DNAH2: variants seen among roughly 807,000 people sequenced by gnomAD.
The protein encoded by DNAH2 is axonemal beta dynein heavy chain 2.
A neutral mutation model predicts 523.5 loss-of-function variants in DNAH2; 323 were observed. The observed-to-expected ratio is 0.62, with a 90% CI of 0.56 to 0.68. DNAH2 has a LOEUF of 0.68. Among genes scored for constraint, DNAH2 ranks in the 30% least tolerant of loss-of-function variants. The pLI is 0.00. For missense variants in DNAH2, 4,907 were observed against 5,701.5 expected, an observed-to-expected ratio of 0.86 and a Z score of 4.49; for synonymous variants, 2,093 against 2,177.4, an observed-to-expected ratio of 0.96 and a Z score of 1.08.
intron 24 of DNAH2, among the ~76,000 whole-genome samples, chr17:7,769,744 A>G (rs1748727978): frequency 6.6e-6 from 1 of 152,190 alleles, no homozygotes; most frequent in African/African-American, 2.4e-5. Context: ...TTCAATCATG[A>G]TCTATCCATT....
chr17:7,793,154 T>A lies in DNAH2; in HGVS notation c.7518T>A (p.Ile2506=). The change falls in exon 48 of 86, where the codon ATT becomes ATA. Residue 2506 remains isoleucine (I), a synonymous_variant. Coordinates refer to ENST00000572933, the MANE Select transcript of DNAH2 (RefSeq NM_020877.5). ...CCCTGGAGCTGATCCGCCTCTGGATTGACTATGGCTTCTGGTATGACCGTA... is the reference window on the plus strand; with the variant it reads ...CCCTGGAGCTGATCCGCCTCTGGATAGACTATGGCTTCTGGTATGACCGTA... ...QPPLELIRLW[I]DYGFWYDRTK... is the part of the protein sequence containing the mutation. 6.2e-7 allele frequency: 1 copy of A among 1,614,198 alleles called. No homozygotes were observed. The highest frequency in any genetic ancestry group is 8.5e-7 in the Non-Finnish European group (1 of 1,180,036).
intron 39 of DNAH2, among the ~76,000 whole-genome samples, chr17:7,784,477 A>G (rs575665233): frequency 3.3e-5 from 5 of 152,224 alleles, no homozygotes; most frequent in Non-Finnish European, 7.3e-5. Context: ...CAGGACTTCA[A>G]GGCTGCATTG....
At chr17:7,732,941 A>C (rs1168642670) in intron 4 of DNAH2, 146 bp from the exon 5 acceptor site, 1 of 712,068 alleles carries the variant, frequency 1.4e-6, no homozygotes, top group African/African-American at 1.8e-5. Flanking sequence ...ATCCGTGAAA[A>C]GAACAGGAAG....
chr17:7,815,509 CA>C (rs2077635771), intron 63 of DNAH2, among the ~76,000 whole-genome samples: 1 of 152,112 alleles, frequency 6.6e-6, no homozygotes, highest in African/African-American at 2.4e-5. Context: ...ATCACACACA[CA>C]TATACAGGAT....
At position 7,816,660 on chromosome 17, in the gene DNAH2, G is replaced by A; in HGVS notation, c.9819G>A (p.Glu3273=). ...EELRKKSEEM[E]LKLERAGMLV... ...TTCGCAAGAAGTCTGAAGAGATGGAGCTGAAGCTGGAGCGAGCTGGGATGC... is the reference window on the plus strand; with the variant it reads ...TTCGCAAGAAGTCTGAAGAGATGGAACTGAAGCTGGAGCGAGCTGGGATGC... The change falls in exon 64 of 86, where the codon GAG becomes GAA. Residue 3273 remains glutamate (E), a synonymous_variant. Transcript: ENST00000572933. 1 of 1,614,250 alleles carries A rather than the reference G, an allele frequency of 6.2e-7. No homozygotes were observed. Among genetic ancestry groups the A allele is most frequent in the Non-Finnish European group, 8.5e-7 (1 of 1,180,046 alleles).
intron 10 of DNAH2, 65 bp downstream of exon 10, chr17:7,740,614 G>A: frequency 6.3e-6 from 10 of 1,594,376 alleles, no homozygotes; most frequent in Non-Finnish European, 7.7e-6. Flanking sequence ...CCCTCCTTCC[G>A]GAGGCCCTCC....
In DNAH2 at chr17:7,741,323, C is replaced by CCTTCCTTCCTTCCT. The variant is rs1555540882; in HGVS notation, c.1689+331_1689+332insCTTCCTTCCTTCCT. On this transcript the variant is annotated intron_variant, in intron 11 of 85. Transcript: ENST00000572933. The stretch of plus-strand genomic sequence containing the variant: ...CTTCCTTCCCTCCCTCCCTCCCTCC[C>CCTTCCTTCCTTCCT]TCCTTCCTTCCTTCCTTCCTTCCTT... Among the ~76,000 whole-genome samples the CCTTCCTTCCTTCCT allele has an allele frequency of 4.2e-3, 247 of 59,350 alleles. 12 individuals carry two copies. Among genetic ancestry groups the CCTTCCTTCCTTCCT allele is most frequent in the East Asian group, 7.7e-3 (9 of 1,176 alleles). 38.9% of individuals were successfully genotyped at this position (59,350 alleles called of 152,430 possible).
At chr17:7,764,703 C>T (rs1438461927) in intron 20 of DNAH2, among the ~76,000 whole-genome samples, 1 of 150,790 alleles carries the variant, frequency 6.6e-6, no homozygotes, top group African/African-American at 2.4e-5. Context: ...CTCAAGCAAT[C>T]TGCTGACCTC....
intron 63 of DNAH2, 23 bp from the exon 64 acceptor site, chr17:7,816,548 C>G: frequency 1.9e-6 from 3 of 1,613,184 alleles, no homozygotes; most frequent in South Asian, 2.2e-5. Flanking sequence ...GTGTTTGATG[C>G]GCTATACTCG....
rs372895779 is a variant in DNAH2 at position 7,804,358 on chromosome 17, G to A, written c.9075G>A (p.Ser3025=). 7.4e-6 allele frequency: 12 copies of A among 1,614,174 alleles called. No homozygotes were observed. The East Asian group carries it at 1.6e-4, about 21-fold the overall frequency. ...CTAGGGAAAAGGTGCAAGTGATGTC[G>A]TTGGAGCTGGAGGATGCCAAGAAGA... is the stretch of plus-strand genomic sequence containing the variant. ...DETREKVQVM[S]LELEDAKKKV... The change falls in exon 59 of 86, where the codon TCG becomes TCA. Residue 3025 remains serine (S), a synonymous_variant. Transcript: ENST00000572933.
chr17:7,775,184 C>A (rs1486344084), intron 29 of DNAH2, 57 bp from the exon 30 acceptor site: 11 of 1,563,502 alleles, frequency 7.0e-6, no homozygotes, highest in Non-Finnish European at 8.7e-6. Flanking sequence ...CCCAGGACTT[C>A]TAGGCGGACA....
At position 7,770,579 on chromosome 17, in the gene DNAH2, C is replaced by A; in HGVS notation, c.4121C>A (p.Thr1374Asn). The change falls in exon 26 of 86, where the codon ACC becomes AAC. Residue 1374 changes from threonine to asparagine, a missense_variant. This residue lies in a region of DNAH2 where 2,806 missense variants were observed against 3,190.8 expected (regional missense o/e 0.88). Transcript: ENST00000572933. ...CAGGCTTTACAAAACATTGCCAAGA[C>A]CTGGGATGTGACTCAGCTCGACATA... ...IEVALQNIAK[T>N]WDVTQLDIVP... 1.2e-6 allele frequency: 2 copies of A among 1,614,096 alleles called. No individual in the cohort carries two copies. The highest frequency in any genetic ancestry group is 2.2e-5 in the South Asian group (2 of 91,080).
chr17:7,719,419 G>A (rs796619167), intron 1 of DNAH2, among the ~76,000 whole-genome samples: 6 of 152,166 alleles, frequency 3.9e-5, no homozygotes, highest in East Asian at 1.9e-4. Flanking sequence ...ATGAGCCACC[G>A]CACCCAGCCT....
In DNAH2 at chr17:7,754,687, A is replaced by G; in HGVS notation, c.1905-2404A>G. 4.0e-6 allele frequency: 5 copies of G among 1,251,582 alleles called. No homozygotes were observed. Among genetic ancestry groups the G allele is most frequent in the Admixed American group, 3.4e-5 (2 of 59,090 alleles). The allele number at this position is 1,251,582 out of a possible 1,614,324, so 77.5% of individuals were successfully genotyped here. A position where few individuals can be genotyped will look rare whatever the true frequency, so the allele number is the denominator to read the frequency against. On this transcript the variant is annotated intron_variant, in intron 12 of 85. Coordinates refer to ENST00000572933, the MANE Select transcript of DNAH2 (RefSeq NM_020877.5). This position sits in a 1 kb window ranked among gnomAD's most constrained non-coding sequence, Gnocchi z 4.6. ...CTTGATCGACTTGCCTACATTGCCC[A>G]CCCCAACCTTGGGAAGCTTGCTCGT...
chr17:7,756,635 A>G (rs1375097059), intron 12 of DNAH2, among the ~76,000 whole-genome samples: 4 of 152,086 alleles, frequency 2.6e-5, no homozygotes, highest in African/African-American at 9.7e-5. Context: ...ACATCAATCA[A>G]TATAAAAATT....
At chr17:7,830,602 G>A in intron 78 of DNAH2, 56 bp from the exon 79 acceptor site, 1 of 1,610,150 alleles carries the variant, frequency 6.2e-7, no homozygotes, top group Non-Finnish European at 8.5e-7. Flanking sequence ...AAGCCCCATT[G>A]GCAGATTTCC....
intron 30 of DNAH2, 96 bp downstream of exon 30, chr17:7,775,438 C>A: frequency 2.5e-6 from 3 of 1,206,008 alleles, no homozygotes; most frequent in Non-Finnish European, 3.5e-6. Context: ...GTAATCCCAG[C>A]ACTTTGGGAG....
At chr17:7,763,367 C>T (rs990276072) in intron 18 of DNAH2, among the ~76,000 whole-genome samples, 4 of 152,160 alleles carry the variant, frequency 2.6e-5, no homozygotes, top group African/African-American at 9.7e-5. Context: ...ACCGTGGTCT[C>T]GATCTCCTGA....
chr17:7,787,667 C>A, intron 42 of DNAH2, 193 bp from the exon 43 acceptor site: 1 of 592,266 alleles, frequency 1.7e-6, no homozygotes, highest in Non-Finnish European at 2.7e-6. Flanking sequence ...ACCTGAGAGG[C>A]GGAGGTTGCA....
Sources: allele counts gnomAD v4.1 joint callset (sites outside exome capture counted in the v4.1 genomes callset), GRCh38; gene constraint gnomAD v4.1.1; regional missense constraint gnomAD v4.1.1; non-coding constraint Gnocchi (gnomAD v3.1); transcripts MANE v1.5; gene names NCBI Gene and HGNC (gene_info 2026-07-23, HGNC 2026-07-21).